Variants in CPA6 observed in about 807,000 individuals in gnomAD.
CPA6 encodes the protein carboxypeptidase A6.
Under a neutral mutation model 63.3 loss-of-function variants are expected in CPA6, and 58 were observed. The observed-to-expected ratio is 0.92, with a 90% CI of 0.74 to 1.14. The LOEUF (loss-of-function observed/expected upper bound fraction) is 1.14, where lower values mean the gene tolerates loss of function less well. Among genes scored for constraint, CPA6 ranks in the 50% most tolerant of loss-of-function variants. CPA6 has a pLI of 0.00. For synonymous variants in CPA6, 185 were observed against 179.0 expected (o/e 1.03, Z -0.27); for missense variants, 565 against 526.6 (o/e 1.07, Z -0.71).
intron 2 of CPA6, among the ~76,000 whole-genome samples, chr8:67,592,904 A>G (rs1028530010): frequency 6.6e-5 from 10 of 151,466 alleles, no homozygotes; most frequent in African/African-American, 2.4e-4. Flanking sequence ...CTCTGATTTT[A>G]GTTATTTCTT....
chr8:67,686,515 T>C (rs1816712629), intron 1 of CPA6, among the ~76,000 whole-genome samples: 1 of 152,224 alleles, frequency 6.6e-6, no homozygotes, highest in Admixed American at 6.5e-5. Flanking sequence ...CCAGTGGTGA[T>C]AGCAGAAATT....
intron 1 of CPA6, 31 bp downstream of exon 1, chr8:67,745,983 C>G: frequency 6.5e-7 from 1 of 1,538,134 alleles, no homozygotes; most frequent in Non-Finnish European, 8.9e-7. Flanking sequence ...CAAATCAAAG[C>G]TGTGTAGGGC....
chr8:67,460,102 A>G (rs573808530), intron 8 of CPA6, among the ~76,000 whole-genome samples: 1 of 152,206 alleles, frequency 6.6e-6, no homozygotes, highest in South Asian at 2.1e-4. Context: ...GGGTGCCTCT[A>G]TTTCTTGGCT....
At chr8:67,528,167 G>A (rs1812404316) in intron 2 of CPA6, among the ~76,000 whole-genome samples, 1 of 152,232 alleles carries the variant, frequency 6.6e-6, no homozygotes, top group East Asian at 1.9e-4. Context: ...CGTGCAGTGT[G>A]ATTAACCTAC....
At chr8:67,584,632 G>A (rs1813875889) in intron 2 of CPA6, among the ~76,000 whole-genome samples, 1 of 152,170 alleles carries the variant, frequency 6.6e-6, no homozygotes. Context: ...AGAAGCAGAT[G>A]AGCAGGAAAA....
chr8:67,550,817 G>T (rs527742110), intron 2 of CPA6, among the ~76,000 whole-genome samples: 2 of 152,046 alleles, frequency 1.3e-5, no homozygotes, highest in African/African-American at 4.8e-5. Flanking sequence ...TCACGTGTTT[G>T]TTGGCCACTT....
At position 67,622,546 on chromosome 8, in the gene CPA6, T is replaced by G. The variant is rs148063205; in HGVS notation, c.192+1630A>C. 1.0e-3 allele frequency among the ~76,000 whole-genome samples: 159 copies of G among 152,308 alleles called. 3 individuals carry two copies. The highest frequency in any genetic ancestry group is 8.0e-3 in the Admixed American group (123 of 15,304). On this transcript the variant is annotated intron_variant, in intron 2 of 10. Coordinates refer to ENST00000297770, the MANE Select transcript of CPA6 (RefSeq NM_020361.5). ...GAGACACCATGCTTGAACTCAATAC[T>G]ATTTGTATAGGGGCTGGGAATGAGG...
chr8:67,712,765 G>A (rs752535742), intron 1 of CPA6, among the ~76,000 whole-genome samples: 1 of 152,022 alleles, frequency 6.6e-6, no homozygotes, highest in Non-Finnish European at 1.5e-5. Flanking sequence ...AGTTTTAAAT[G>A]TCATGCTGTT....
intron 8 of CPA6, among the ~76,000 whole-genome samples, chr8:67,470,289 C>T (rs945488968): frequency 6.6e-6 from 1 of 152,058 alleles, no homozygotes; most frequent in African/African-American, 2.4e-5. Context: ...CTCAGCCTCC[C>T]GAAGTGCTGG....
At chr8:67,681,691 C>T (rs1816602197) in intron 1 of CPA6, among the ~76,000 whole-genome samples, 1 of 152,060 alleles carries the variant, frequency 6.6e-6, no homozygotes, top group Admixed American at 6.6e-5. Context: ...TGTCCTTGCA[C>T]CTTAGAGAAG....
chr8:67,621,048 T>C (rs1815069231), intron 2 of CPA6, among the ~76,000 whole-genome samples: 2 of 152,302 alleles, frequency 1.3e-5, no homozygotes, highest in Admixed American at 1.3e-4. Flanking sequence ...GGTATCTACA[T>C]AACTTTACCC....
chr8:67,734,878 G>C (rs184595599), intron 1 of CPA6, among the ~76,000 whole-genome samples: 80 of 152,280 alleles, frequency 5.3e-4, no homozygotes, highest in Admixed American at 2.5e-3. Context: ...TCATGAATTA[G>C]TCTGGTAAGA....
rs115497516 is a variant in CPA6 at position 67,605,742 on chromosome 8, G to A, written c.192+18434C>T. Among the ~76,000 whole-genome samples the A allele has an allele frequency of 5.0e-3, 766 of 152,070 alleles. 5 individuals carry two copies. The highest frequency in any genetic ancestry group is 0.034 in the Middle Eastern group (10 of 294). On this transcript the variant is annotated intron_variant, in intron 2 of 10. Coordinates refer to ENST00000297770, the MANE Select transcript of CPA6 (RefSeq NM_020361.5). ...CAACAGATAGACCAGAATGTACATC[G>A]GCTCAAACTCAATAGTTTTCCCTCG... is the stretch of plus-strand genomic sequence containing the variant.
At chr8:67,546,211 G>A (rs1056986655) in intron 2 of CPA6, among the ~76,000 whole-genome samples, 4 of 152,174 alleles carry the variant, frequency 2.6e-5, no homozygotes, top group Admixed American at 6.5e-5. Flanking sequence ...AAATATAAAC[G>A]GGATTGGAAG....
chr8:67,613,529 G>A (rs560548319), intron 2 of CPA6, among the ~76,000 whole-genome samples: 1 of 152,330 alleles, frequency 6.6e-6, no homozygotes, highest in South Asian at 2.1e-4. Context: ...AGATATATAT[G>A]TACATGCCAG....
intron 8 of CPA6, among the ~76,000 whole-genome samples, chr8:67,457,851 C>T (rs1016424757): frequency 1.3e-5 from 2 of 152,140 alleles, no homozygotes; most frequent in Non-Finnish European, 2.9e-5. Context: ...CTTGCCAATT[C>T]CTGCTCTGTC....
chr8:67,566,160 T>C (rs1205638266), intron 2 of CPA6, among the ~76,000 whole-genome samples: 2 of 152,208 alleles, frequency 1.3e-5, no homozygotes, highest in African/African-American at 4.8e-5. Flanking sequence ...TTCTCCTCTC[T>C]TCCCATTGTC....
chr8:67,483,743 G>T, intron 8 of CPA6, 25 bp downstream of exon 8: 1 of 1,591,406 alleles, frequency 6.3e-7, no homozygotes, highest in East Asian at 2.2e-5. Context: ...CTTTGGATCT[G>T]GATCCCAGTT....
chr8:67,595,059 G>T (rs894466895), intron 2 of CPA6, among the ~76,000 whole-genome samples: 19 of 151,988 alleles, frequency 1.3e-4, no homozygotes, highest in African/African-American at 4.6e-4. Context: ...TGGGTTTTTG[G>T]TGTGGATGTC....
Sources: gnomAD v4.1 joint callset for allele counts (sites outside exome capture counted in the v4.1 genomes callset) on GRCh38, gnomAD v4.1.1 for gene constraint, MANE v1.5 for transcripts, NCBI Gene and HGNC (gene_info 2026-07-23, HGNC 2026-07-21) for gene names.